NLK: variants seen among roughly 807,000 people sequenced by gnomAD.
The protein encoded by NLK is serine/threonine-protein kinase NLK.
A neutral mutation model predicts 59.0 loss-of-function variants in NLK; 11 were observed. The observed-to-expected ratio is 0.19, with a 90% CI of 0.12 to 0.31. The LOEUF (loss-of-function observed/expected upper bound fraction) is 0.31. Among genes scored for constraint, NLK ranks in the 10% least tolerant of loss-of-function variants. NLK has a pLI of 1.00. For missense variants in NLK, 410 were observed against 661.1 expected (o/e 0.62, Z 4.16); for synonymous variants, 235 against 235.9 (o/e 1.00, Z 0.03).
intron 1 of NLK, among the ~76,000 whole-genome samples, chr17:28,057,813 GA>G (rs1371844502): frequency 3.3e-5 from 5 of 152,108 alleles, no homozygotes; most frequent in African/African-American, 7.2e-5. Flanking sequence ...TTCAGTAAAT[GA>G]GCCATTGTTT....
chr17:28,082,419 G>A (rs1477306824), intron 1 of NLK, among the ~76,000 whole-genome samples: 2 of 152,200 alleles, frequency 1.3e-5, no homozygotes, highest in African/African-American at 4.8e-5. Flanking sequence ...TGAATTATAA[G>A]GAAATACTTT....
At chr17:28,080,493 A>G (rs993568226) in intron 1 of NLK, among the ~76,000 whole-genome samples, 4 of 152,212 alleles carry the variant, frequency 2.6e-5, no homozygotes, top group Non-Finnish European at 4.4e-5. Context: ...GACTAGGACT[A>G]TGACAATCTG....
At chr17:28,200,800 A>G (rs1157700808), downstream of NLK, among the ~76,000 whole-genome samples, 5 of 152,302 alleles carry the variant, frequency 3.3e-5, no homozygotes, top group East Asian at 9.7e-4. Flanking sequence ...TACTTAAAAA[A>G]AATTTTTTTT....
intron 4 of NLK, 51 bp from the exon 5 acceptor site, chr17:28,163,492 G>A: frequency 9.4e-7 from 1 of 1,065,242 alleles, no homozygotes; most frequent in Non-Finnish European, 1.4e-6. Context: ...TAAATTATTG[G>A]TTGAGTAAAA....
intron 1 of NLK, among the ~76,000 whole-genome samples, chr17:28,058,769 T>C (rs1309553904): frequency 6.6e-6 from 1 of 152,152 alleles, no homozygotes; most frequent in Non-Finnish European, 1.5e-5. Context: ...GACCCATCTC[T>C]ATGTAAAAAA....
intron 2 of NLK, among the ~76,000 whole-genome samples, chr17:28,127,068 C>T (rs756365478): frequency 6.6e-6 from 1 of 152,110 alleles, no homozygotes; most frequent in Non-Finnish European, 1.5e-5. Flanking sequence ...TTGATTCCTG[C>T]CAAGAGCCCC....
At chr17:28,187,288 TGTTTGGTTTG>T (rs34816240) in intron 8 of NLK, among the ~76,000 whole-genome samples, 229 of 152,138 alleles carry the variant, frequency 1.5e-3, no homozygotes, top group African/African-American at 5.0e-3. Flanking sequence ...TCCCATGTTT[TGTTTGGTTTG>T]GTTTGGTTTG....
Position 28,043,241 on chromosome 17 carries a change from C to T in NLK, c.368C>T (p.Ala123Val). ...GCTGCCGCAGCTGCTACAGTTAAGG[C>T]GCACCATCATCAGCACTCGCATCAT... The part of the protein sequence containing the change: ...VQAAAAATVK[A>V]HHHQHSHHPQ... The change falls in exon 1 of 11, where the codon GCG becomes GTG. Residue 123 changes from alanine to valine, a missense_variant. Around this residue, in one of 5 missense-constraint regions of NLK, gnomAD observed 160 missense variants for 171.0 expected, o/e 0.94. Transcript: ENST00000407008. 6.2e-7 allele frequency: 1 copy of T among 1,613,900 alleles called. No individual in the cohort carries two copies. The highest frequency in any genetic ancestry group is 8.5e-7 in the Non-Finnish European group (1 of 1,179,852).
intron 4 of NLK, 69 bp from the exon 5 acceptor site, chr17:28,163,474 G>A: frequency 2.2e-6 from 2 of 910,512 alleles, no homozygotes; most frequent in Admixed American, 4.6e-5. Flanking sequence ...TTCTTCCAAG[G>A]TTTTTTTTAA....
intron 3 of NLK, among the ~76,000 whole-genome samples, chr17:28,144,154 A>T (rs968994935): frequency 6.6e-6 from 1 of 152,168 alleles, no homozygotes; most frequent in Non-Finnish European, 1.5e-5. Context: ...GATCCCAAGA[A>T]CCACTCCCCT....
intron 1 of NLK, among the ~76,000 whole-genome samples, chr17:28,049,425 T>C (rs1909171382): frequency 6.6e-6 from 1 of 152,228 alleles, no homozygotes. Flanking sequence ...GTCACTTCGC[T>C]GTGGACCAGC....
chr17:28,118,848 G>A (rs1356051015), intron 1 of NLK, among the ~76,000 whole-genome samples: 5 of 152,148 alleles, frequency 3.3e-5, no homozygotes, highest in Non-Finnish European at 7.4e-5. Flanking sequence ...CATGCTGCTT[G>A]AAGTATTAAT....
At chr17:28,173,982 AGTTAAT>A (rs1217590457) in intron 7 of NLK, among the ~76,000 whole-genome samples, 1 of 152,158 alleles carries the variant, frequency 6.6e-6, no homozygotes, top group Non-Finnish European at 1.5e-5. Context: ...AATGGTTGCT[AGTTAAT>A]TAATCATCTG....
intron 1 of NLK, among the ~76,000 whole-genome samples, chr17:28,110,833 T>C (rs1170830649): frequency 1.3e-5 from 2 of 152,136 alleles, no homozygotes; most frequent in Non-Finnish European, 2.9e-5. Flanking sequence ...TTTAATTCTT[T>C]TTTTTGTTTG....
rs150835444 is a variant in NLK at position 28,194,527 on chromosome 17, C to T, written c.1530-55C>T. 1.8e-4 allele frequency: 227 copies of T among 1,279,732 alleles called. No individual in the cohort carries two copies. The African/African-American group carries it at 3.0e-3, about 17-fold the overall frequency. 79.3% of individuals were successfully genotyped at this position (1,279,732 alleles called of 1,614,324 possible). A position where few individuals can be genotyped will look rare whatever the true frequency, so the allele number is the denominator to read the frequency against. Reference sequence around the variant, plus strand: ...GAGGAAAACAGGAAGTAGTGAATTACCCTTTTGTCCATTGTGACATTACAA... The same window carrying T: ...GAGGAAAACAGGAAGTAGTGAATTATCCTTTTGTCCATTGTGACATTACAA... On this transcript the variant is annotated intron_variant, in intron 10 of 10. Transcript: ENST00000407008.
intron 3 of NLK, among the ~76,000 whole-genome samples, chr17:28,138,718 A>G (rs995067066): frequency 6.6e-6 from 1 of 152,240 alleles, no homozygotes; most frequent in Non-Finnish European, 1.5e-5. Context: ...AGATTCCCAT[A>G]TTGTAAGAAC....
intron 1 of NLK, among the ~76,000 whole-genome samples, chr17:28,071,452 T>A (rs1000472432): frequency 1.1e-3 from 165 of 151,154 alleles, no homozygotes; most frequent in Non-Finnish European, 1.6e-3. Context: ...TTTTTTTTTT[T>A]AACAGCCTTT....
intron 1 of NLK, among the ~76,000 whole-genome samples, chr17:28,090,918 A>G (rs1380460667): frequency 6.6e-6 from 1 of 151,846 alleles, no homozygotes; most frequent in Non-Finnish European, 1.5e-5. Flanking sequence ...AGTGGTTTTG[A>G]GCAATTTGAT....
chr17:28,199,310 A>G (rs1183048041), downstream of NLK, among the ~76,000 whole-genome samples: 1 of 152,184 alleles, frequency 6.6e-6, no homozygotes, highest in Non-Finnish European at 1.5e-5. Context: ...CCTCAAAAAA[A>G]TTAGACACCA....
Sources: allele counts gnomAD v4.1 joint callset (sites outside exome capture counted in the v4.1 genomes callset), GRCh38; gene constraint gnomAD v4.1.1; regional missense constraint gnomAD v4.1.1; transcripts MANE v1.5; gene names NCBI Gene and HGNC (gene_info 2026-07-23, HGNC 2026-07-21).